Variants in BCAS4 observed in about 807,000 individuals in gnomAD.
BCAS4 encodes breast carcinoma amplified sequence 4, also known as breast carcinoma-amplified sequence 4.
BCAS4 carries 9 observed loss-of-function variants against 15.7 expected under a neutral mutation model. The ratio of observed to expected loss-of-function variants is 0.57; its 90% CI spans 0.34 to 1.00. The LOEUF is 1.00. Among genes scored for constraint, BCAS4 ranks in the 50% least tolerant of loss-of-function variants. The pLI is 0.02. For missense variants in BCAS4, 225 were observed against 239.1 expected, an observed-to-expected ratio of 0.94 and a Z score of 0.39; for synonymous variants, 101 against 99.5, an observed-to-expected ratio of 1.02 and a Z score of -0.09.
intron 4 of BCAS4, among the ~76,000 whole-genome samples, chr20:50,861,272 G>A (rs907531370): frequency 1.3e-5 from 2 of 152,190 alleles, no homozygotes; most frequent in African/African-American, 4.8e-5. Flanking sequence ...GCGTGGTGAG[G>A]GGCTGACCAG....
At chr20:50,831,234 C>A (rs1179926392) in intron 3 of BCAS4, among the ~76,000 whole-genome samples, 2 of 152,000 alleles carry the variant, frequency 1.3e-5, no homozygotes, top group African/African-American at 4.8e-5. Flanking sequence ...TTCGAAACCA[C>A]CCTGGCCAAC....
At chr20:50,862,576 C>T (rs1979141217) in intron 4 of BCAS4, among the ~76,000 whole-genome samples, 1 of 151,380 alleles carries the variant, frequency 6.6e-6, no homozygotes, top group Non-Finnish European at 1.5e-5. Context: ...TCCAAGGACA[C>T]CTCATGTCTG....
intron 1 of BCAS4, among the ~76,000 whole-genome samples, 170 bp downstream of exon 1, chr20:50,795,343 T>G (rs1600837812): frequency 6.6e-6 from 1 of 151,750 alleles, no homozygotes; most frequent in African/African-American, 2.4e-5. Flanking sequence ...GTGCAGCGGG[T>G]CGTCCCTGCT....
At chr20:50,818,369 G>A in intron 2 of BCAS4, 87 bp downstream of exon 2, 1 of 1,353,380 alleles carries the variant, frequency 7.4e-7, no homozygotes, top group Non-Finnish European at 1.0e-6. Context: ...CATTTTGGTG[G>A]TGAGTTAGCA....
At chr20:50,796,264 G>A (rs1444368379) in intron 1 of BCAS4, among the ~76,000 whole-genome samples, 2 of 148,358 alleles carry the variant, frequency 1.3e-5, no homozygotes, top group East Asian at 4.0e-4. Context: ...AGCTACTTGG[G>A]AGGCTGAGGC....
At chr20:50,806,862 CTTTTTTTTTTTTT>C in intron 1 of BCAS4, among the ~76,000 whole-genome samples, 1 of 83,376 alleles carries the variant, frequency 1.2e-5, no homozygotes, top group African/African-American at 6.2e-5. Flanking sequence ...TCCATTTATA[CTTTTTTTTTTTTT>C]TTTTTTTTTT....
At position 50,876,609 on chromosome 20, in the gene BCAS4, G is replaced by A; in HGVS notation, c.*1G>A. On this transcript the variant is annotated 3_prime_UTR_variant, in exon 5 of 5. Transcript: ENST00000371608. ...CCGCACCTGCCCTCGGCCTTTGTGA[G>A]CTTTGTGGTCTTCCCATCAGGAACG... 1 of 1,613,842 alleles carries A rather than the reference G, an allele frequency of 6.2e-7. No individual in the cohort carries two copies. Among genetic ancestry groups the A allele is most frequent in the Non-Finnish European group, 8.5e-7 (1 of 1,179,886 alleles).
At chr20:50,862,042 A>G (rs1017803040) in intron 4 of BCAS4, among the ~76,000 whole-genome samples, 16 of 150,744 alleles carry the variant, frequency 1.1e-4, no homozygotes, top group African/African-American at 3.7e-4. Context: ...TTTTATTTTT[A>G]CTAGACACAG....
intron 4 of BCAS4, among the ~76,000 whole-genome samples, chr20:50,872,581 CAA>C (rs796808126): frequency 5.0e-5 from 2 of 40,258 alleles, no homozygotes. Context: ...AAAAAAGGAA[CAA>C]AAAAAAAAAA....
At chr20:50,835,944 G>C (rs749060404) in intron 3 of BCAS4, among the ~76,000 whole-genome samples, 1 of 151,594 alleles carries the variant, frequency 6.6e-6, no homozygotes, top group Non-Finnish European at 1.5e-5. Context: ...CGGAGACAGA[G>C]TATCGCTCTG....
chr20:50,810,865 C>T (rs764071245), intron 1 of BCAS4, among the ~76,000 whole-genome samples: 20 of 151,990 alleles, frequency 1.3e-4, no homozygotes, highest in Non-Finnish European at 2.5e-4. Context: ...GCTGGGATTA[C>T]AGGTGTGAGC....
rs974969428 is a variant in BCAS4, at chr20:50,876,492, C to T, written c.406C>T (p.Pro136Ser). The T allele has an allele frequency of 1.1e-5, 17 of 1,613,440 alleles. No homozygotes were observed. Among genetic ancestry groups the T allele is most frequent in the Non-Finnish European group, 1.4e-5 (16 of 1,179,822 alleles). ...AGLPSFRNKS[P>S]APVPVTYELP... Reference sequence around the variant, plus strand: ...TCATTTCTTGTCATTCCAGAAGTCACCTGCACCGGTGCCCGTGACGTACGA... The same window carrying T: ...TCATTTCTTGTCATTCCAGAAGTCATCTGCACCGGTGCCCGTGACGTACGA... Residue 136 changes from proline to serine, a missense_variant, in exon 5 of 5, where the codon CCT becomes TCT. Coordinates refer to ENST00000371608, the MANE Select transcript of BCAS4 (RefSeq NM_198799.4).
rs1568677557 is a variant in BCAS4 at position 50,851,786 on chromosome 20, CATT to C, written c.399+9890_399+9892del. 2.6e-5 allele frequency among the ~76,000 whole-genome samples: 4 copies of C among 152,176 alleles called. No homozygotes were observed. The highest frequency in any genetic ancestry group is 2.0e-4 in the Admixed American group (3 of 15,288). On this transcript the variant is annotated intron_variant, in intron 4 of 4. Transcript: ENST00000371608. The surrounding 1 kb of genome is among the most constrained non-coding windows in gnomAD (Gnocchi z 4.3). ...TTCCCGCTCCCCACCTGGCAATGTT[CATT>C]ATTGTTCAAAGCCCCAGTCACACGG...
At position 50,800,256 on chromosome 20, in the gene BCAS4, G is replaced by T. The variant is rs74995278; in HGVS notation, c.90+5083G>T. Among the ~76,000 whole-genome samples the T allele has an allele frequency of 6.6e-3, 999 of 152,176 alleles. 6 individuals are homozygous for T. Among genetic ancestry groups the T allele is most frequent in the African/African-American group, 0.023 (959 of 41,526 alleles). On this transcript the variant is annotated intron_variant, in intron 1 of 4. Coordinates refer to ENST00000371608, the MANE Select transcript of BCAS4 (RefSeq NM_198799.4). ...GAGCCCTGAGCCTGAGTAGGAGTTG[G>T]CTGGCTGAGGAGAAAAATATCCCAG...
chr20:50,836,071 C>T (rs2088405771), intron 3 of BCAS4, among the ~76,000 whole-genome samples: 1 of 152,106 alleles, frequency 6.6e-6, no homozygotes, highest in South Asian at 2.1e-4. Flanking sequence ...GCGCGTGCCA[C>T]CACACATGGC....
In BCAS4 at chr20:50,818,291, C is replaced by A. The variant is rs750669757; in HGVS notation, c.162+9C>A. The A allele has an allele frequency of 7.0e-7, 1 of 1,434,852 alleles. No individual in the cohort carries two copies. The highest frequency in any genetic ancestry group is 9.3e-7 in the Non-Finnish European group (1 of 1,071,462). 88.9% of individuals were successfully genotyped at this position (1,434,852 alleles called of 1,614,324 possible). A position where few individuals can be genotyped will look rare whatever the true frequency, so the allele number is the denominator to read the frequency against. On this transcript the variant is annotated intron_variant, in intron 2 of 4. Transcript: ENST00000371608. ...GCAGCCTGGCTGACCTGGTGAGTGG[C>A]TGCCTGGAAGGCGTGGGTTTAGGCC... is the stretch of plus-strand genomic sequence containing the variant.
chr20:50,841,767 C>G lies in BCAS4; in HGVS notation c.266C>G (p.Ala89Gly), dbSNP rs762159407. Residue 89 changes from alanine to glycine, a missense_variant and splice_region_variant, in exon 4 of 5, where the codon GCC (alanine) becomes GGC (glycine). By Grantham distance (60) the Ala-to-Gly change is moderately conservative. Transcript: ENST00000371608. ...GIYAKVDRLE[A>G]FVKMVGHHVA... Reference sequence around the variant, plus strand: ...TCATGGCTTCTCCGTGTCCCTCAGGCCTTCGTCAAGATGGTTGGACACCAC... The same window carrying G: ...TCATGGCTTCTCCGTGTCCCTCAGGGCTTCGTCAAGATGGTTGGACACCAC... 7 of 1,613,988 alleles carry G rather than the reference C, an allele frequency of 4.3e-6. No homozygotes were observed. Among genetic ancestry groups the G allele is most frequent in the South Asian group, 1.1e-5 (1 of 91,084 alleles).
chr20:50,867,881 C>A (rs1483001931), intron 4 of BCAS4, among the ~76,000 whole-genome samples: 1 of 152,088 alleles, frequency 6.6e-6, no homozygotes, highest in Non-Finnish European at 1.5e-5. Context: ...GCCACTGCAC[C>A]CCAGCCTGGA....
At chr20:50,871,990 TGG>T (rs1979667693) in intron 4 of BCAS4, among the ~76,000 whole-genome samples, 1 of 152,188 alleles carries the variant, frequency 6.6e-6, no homozygotes, top group African/African-American at 2.4e-5. Context: ...CCGGGCATGG[TGG>T]CTCACGCCTG....
Sources: allele counts gnomAD v4.1 joint callset (sites outside exome capture counted in the v4.1 genomes callset), GRCh38; gene constraint gnomAD v4.1.1; non-coding constraint Gnocchi (gnomAD v3.1); transcripts MANE v1.5; gene names NCBI Gene and HGNC (gene_info 2026-07-23, HGNC 2026-07-21).